The following GPR149 variants were observed in gnomAD, a reference collection of about 807,000 sequenced individuals.
The protein encoded by GPR149 is probable G protein-coupled receptor 149.
Under a neutral mutation model 50.2 loss-of-function variants are expected in GPR149, and 50 were observed. The observed-to-expected ratio is 1.00, with a 90% CI of 0.79 to 1.26. The LOEUF (loss-of-function observed/expected upper bound fraction) is 1.26. Among genes scored for constraint, GPR149 ranks in the 50% most tolerant of loss-of-function variants. The pLI is 0.00. For synonymous variants in GPR149, 405 were observed against 358.2 expected (o/e 1.13, Z -1.48); for missense variants, 983 against 895.4 (o/e 1.10, Z -1.25).
At chr3:154,345,533 G>T (rs918635067) in intron 3 of GPR149, among the ~76,000 whole-genome samples, 29 of 152,094 alleles carry the variant, frequency 1.9e-4, no homozygotes, top group Admixed American at 9.8e-4. Context: ...AGGTGGCAAG[G>T]AGCTTTTTAT....
At chr3:154,393,351 C>CA (rs1715213646) in intron 3 of GPR149, among the ~76,000 whole-genome samples, 1 of 151,738 alleles carries the variant, frequency 6.6e-6, no homozygotes, top group African/African-American at 2.4e-5. Context: ...TTAATAGATG[C>CA]AAAAAAGCAT....
chr3:154,377,019 T>G (rs1243594209), intron 3 of GPR149, among the ~76,000 whole-genome samples: 1 of 150,924 alleles, frequency 6.6e-6, no homozygotes, highest in African/African-American at 2.4e-5. Context: ...TATTAGCTAT[T>G]AGTGTTAGCA....
intron 2 of GPR149, among the ~76,000 whole-genome samples, chr3:154,423,273 G>A (rs957873060): frequency 4.0e-5 from 6 of 151,802 alleles, no homozygotes; most frequent in Admixed American, 1.3e-4. Context: ...AATAAAAAAC[G>A]TATTGATTCT....
chr3:154,373,649 C>T (rs1262348136), intron 3 of GPR149, among the ~76,000 whole-genome samples: 2 of 152,164 alleles, frequency 1.3e-5, no homozygotes, highest in Admixed American at 1.3e-4. Context: ...ATGATTAGAA[C>T]AAGAGATACA....
At chr3:154,340,334 G>A (rs1713762183) in intron 3 of GPR149, among the ~76,000 whole-genome samples, 1 of 152,236 alleles carries the variant, frequency 6.6e-6, no homozygotes, top group Non-Finnish European at 1.5e-5. Flanking sequence ...CTCTACATGT[G>A]TAATGCTGGC....
Position 154,428,698 on chromosome 3 carries a change from T to C in GPR149, c.918A>G (p.Val306=). 1 of 1,614,174 alleles carries C rather than the reference T, an allele frequency of 6.2e-7. No individual in the cohort carries two copies. Among genetic ancestry groups the C allele is most frequent in the Non-Finnish European group, 8.5e-7 (1 of 1,180,036 alleles). The change falls in exon 1 of 4, where the codon GTA becomes GTG. Residue 306 remains valine, a synonymous_variant. Transcript: ENST00000389740. ...GGATCAAAGCGAAGCGCTTCTGCGC[T>C]ACGCTCACGGTGAAGCTCCTGGTGC... ...LYGTRSFTVS[V]AQKRFALILA... is the part of the protein sequence containing the mutation.
In GPR149 at chr3:154,383,650, A is replaced by T. The variant is rs1368770431; in HGVS notation, c.1623+37389T>A. ...TTCAGTGTTTAGAGTTCATGGGCATATGCTTGGAAAACAGAGGTACTATAG... is the reference window on the plus strand; with the variant it reads ...TTCAGTGTTTAGAGTTCATGGGCATTTGCTTGGAAAACAGAGGTACTATAG... On this transcript the variant is annotated intron_variant, in intron 3 of 3. Transcript: ENST00000389740. 3.3e-5 allele frequency among the ~76,000 whole-genome samples: 5 copies of T among 152,128 alleles called. No individual in the cohort carries two copies. In the South Asian group the frequency reaches 1.0e-3, roughly 31 times the overall value.
intron 3 of GPR149, chr3:154,353,583 C>T: frequency 8.9e-7 from 1 of 1,127,344 alleles, no homozygotes; most frequent in South Asian, 1.3e-5. Flanking sequence ...ATTAATTTGG[C>T]TTTGATATGG....
chr3:154,415,966 A>C (rs1559989527), intron 3 of GPR149, among the ~76,000 whole-genome samples: 1 of 151,898 alleles, frequency 6.6e-6, no homozygotes, highest in East Asian at 1.9e-4. Context: ...ATAGGTTTTA[A>C]GTGGATTTTT....
chr3:154,408,782 T>C (rs1222162008), intron 3 of GPR149, among the ~76,000 whole-genome samples: 1 of 152,168 alleles, frequency 6.6e-6, no homozygotes, highest in Non-Finnish European at 1.5e-5. Context: ...AATAACCTCT[T>C]GGGAGCTCTA....
intron 3 of GPR149, among the ~76,000 whole-genome samples, chr3:154,363,989 G>T (rs193228245): frequency 2.6e-4 from 40 of 152,292 alleles, no homozygotes; most frequent in Admixed American, 1.6e-3. Context: ...ATGCAGGAGT[G>T]GAAGCTGTGC....
intron 3 of GPR149, among the ~76,000 whole-genome samples, chr3:154,384,450 A>C (rs1387552798): frequency 1.3e-5 from 2 of 152,198 alleles, no homozygotes; most frequent in Non-Finnish European, 2.9e-5. Flanking sequence ...TAACCATGGA[A>C]GCCTAAAAGT....
intron 3 of GPR149, among the ~76,000 whole-genome samples, chr3:154,403,319 A>G (rs1410734446): frequency 1.1e-4 from 17 of 152,168 alleles, no homozygotes; most frequent in Admixed American, 1.1e-3. Context: ...CAGAGATAAG[A>G]CATAATTGGG....
At chr3:154,428,579 C>G (rs368991802) in intron 1 of GPR149, 56 bp downstream of exon 1, 1 of 1,536,592 alleles carries the variant, frequency 6.5e-7, no homozygotes. Flanking sequence ...GGTCCCAACA[C>G]TCATTTACAC....
intron 3 of GPR149, among the ~76,000 whole-genome samples, chr3:154,418,366 G>A (rs1253598392): frequency 9.1e-6 from 1 of 110,290 alleles, no homozygotes; most frequent in African/African-American, 4.1e-5. Flanking sequence ...ACATGCACAG[G>A]TATGTTTATT....
intron 3 of GPR149, among the ~76,000 whole-genome samples, chr3:154,405,426 A>G (rs1334012476): frequency 6.6e-6 from 1 of 151,966 alleles, no homozygotes; most frequent in Non-Finnish European, 1.5e-5. Context: ...GTCTCTACTA[A>G]AGATACAAAA....
At chr3:154,349,624 A>T (rs886130454) in intron 3 of GPR149, among the ~76,000 whole-genome samples, 5 of 152,242 alleles carry the variant, frequency 3.3e-5, no homozygotes, top group Non-Finnish European at 5.9e-5. Flanking sequence ...AAATCTCTTC[A>T]GCCTTATGTT....
At chr3:154,420,037 G>T (rs1477607992) in intron 3 of GPR149, among the ~76,000 whole-genome samples, 1 of 151,934 alleles carries the variant, frequency 6.6e-6, no homozygotes, top group African/African-American at 2.4e-5. Context: ...CAGGAGACTA[G>T]TAGTTTTATT....
rs193029571 is a variant in GPR149 at position 154,347,897 on chromosome 3, A to G, written c.1624-9626T>C. 1.1e-4 allele frequency among the ~76,000 whole-genome samples: 16 copies of G among 152,322 alleles called. No individual in the cohort carries two copies. In the East Asian group the frequency reaches 2.7e-3, roughly 26 times the overall value. ...AAAAATGGCAAACGTGGGATGGACT[A>G]TTGAAGTATTGCAAAGGCAAAACTA... On this transcript the variant is annotated intron_variant, in intron 3 of 3. Coordinates refer to ENST00000389740, the MANE Select transcript of GPR149 (RefSeq NM_001038705.3).
Sources: gnomAD v4.1 joint callset for allele counts (sites outside exome capture counted in the v4.1 genomes callset) on GRCh38, gnomAD v4.1.1 for gene constraint, MANE v1.5 for transcripts, NCBI Gene and HGNC (gene_info 2026-07-23, HGNC 2026-07-21) for gene names.